TAF1B: variants seen among roughly 807,000 people sequenced by gnomAD.
TAF1B encodes TATA-box binding protein associated factor, RNA polymerase I subunit B, also known as TATA box-binding protein-associated factor RNA polymerase I subunit B.
A neutral mutation model predicts 83.9 loss-of-function variants in TAF1B; 61 were observed. The observed-to-expected ratio is 0.73, with a 90% CI of 0.59 to 0.90. TAF1B has a LOEUF of 0.90. Among genes scored for constraint, TAF1B ranks in the 40% least tolerant of loss-of-function variants. The probability of loss-of-function intolerance (pLI) is 0.00; values close to 1 mark genes in which losing one functional copy is unlikely to be tolerated. For synonymous variants in TAF1B, 221 were observed against 224.6 expected (o/e 0.98, Z 0.14); for missense variants, 625 against 677.0 (o/e 0.92, Z 0.85).
Position 9,918,997 on chromosome 2 carries a change from G to A in TAF1B, c.1272-44G>A, listed in dbSNP as rs771978790. 42 of 1,512,890 alleles carry A rather than the reference G, an allele frequency of 2.8e-5. 1 individual carries two copies. The highest frequency in any genetic ancestry group is 2.3e-4 in the South Asian group (20 of 87,946). The allele number at this position is 1,512,890 out of a possible 1,614,324, so 93.7% of individuals were successfully genotyped here. A position where few individuals can be genotyped will look rare whatever the true frequency, so the allele number is the denominator to read the frequency against. On this transcript the variant is annotated intron_variant, in intron 12 of 14. Transcript: ENST00000263663. The stretch of plus-strand genomic sequence containing the variant: ...TGCTTCAGACAATGTGTTTATGTCC[G>A]TTTCATCTCCGTCCTGCTCCAGCTG...
chr2:9,843,533 G>T lies in TAF1B; in HGVS notation c.-9G>T. 1 of 1,523,540 alleles carries T rather than the reference G, an allele frequency of 6.6e-7. No individual in the cohort carries two copies. The highest frequency in any genetic ancestry group is 2.7e-5 in the East Asian group (1 of 37,134). 94.4% of individuals were successfully genotyped at this position (1,523,540 alleles called of 1,614,324 possible). A position where few individuals can be genotyped will look rare whatever the true frequency, so the allele number is the denominator to read the frequency against. The stretch of plus-strand genomic sequence containing the variant: ...GGGTCCCGGCTGTGGAAGCTCCCGC[G>T]GCGCCGCGATGGACCTCGAGGAGGC... On this transcript the variant is annotated 5_prime_UTR_variant, in exon 1 of 15. Transcript: ENST00000263663.
At chr2:9,916,703 ACT>A (rs1476513041) in intron 12 of TAF1B, among the ~76,000 whole-genome samples, 1 of 151,972 alleles carries the variant, frequency 6.6e-6, no homozygotes, top group African/African-American at 2.4e-5. Context: ...TAAATGACAA[ACT>A]CTCTGATATA....
rs1322606094 is a variant in TAF1B at position 9,911,512 on chromosome 2, TC to T, written c.1136del (p.Ser379PhefsTer29). Reference sequence around the variant, plus strand: ...TGATTTGTTTATTGTTATCTCCAGGTCTTTGTCTAATCTTGCTGAAAAGCAT... The same window carrying T: ...TGATTTGTTTATTGTTATCTCCAGGTTTTGTCTAATCTTGCTGAAAAGCAT... Reference protein sequence around the residue: ...LFLLDDSFEWSLSNLAEKHNE... With the variant: ...LFLLDDSFEWXLSNLAEKHNE... On this transcript the variant is annotated frameshift_variant and splice_region_variant, in exon 11 of 15. Coordinates refer to ENST00000263663, the MANE Select transcript of TAF1B (RefSeq NM_005680.3). LOFTEE classifies it high-confidence loss of function. The T allele has an allele frequency of 2.6e-6, 4 of 1,514,680 alleles. No homozygotes were observed. The highest frequency in any genetic ancestry group is 2.7e-6 in the Non-Finnish European group (3 of 1,125,130). The allele number at this position is 1,514,680 out of a possible 1,614,324, so 93.8% of individuals were successfully genotyped here. A position where few individuals can be genotyped will look rare whatever the true frequency, so the allele number is the denominator to read the frequency against.
chr2:9,905,929 A>C (rs1444256257), intron 9 of TAF1B, among the ~76,000 whole-genome samples: 1 of 152,208 alleles, frequency 6.6e-6, no homozygotes, highest in Non-Finnish European at 1.5e-5. Flanking sequence ...AAAGCTAAGG[A>C]ATATGGCTCT....
At chr2:9,863,239 G>A (rs540371452) in intron 5 of TAF1B, among the ~76,000 whole-genome samples, 6 of 152,302 alleles carry the variant, frequency 3.9e-5, no homozygotes, top group African/African-American at 1.4e-4. Flanking sequence ...TCAAAGTAAA[G>A]GGATGGAGGA....
chr2:9,933,816 A>G lies in TAF1B; in HGVS notation c.1599A>G (p.Ser533=). The G allele has an allele frequency of 6.2e-7, 1 of 1,613,628 alleles. No individual in the cohort carries two copies. The highest frequency in any genetic ancestry group is 8.5e-7 in the Non-Finnish European group (1 of 1,179,794). The change falls in exon 15 of 15, where the codon TCA becomes TCG. Residue 533 remains serine, a synonymous_variant. Transcript: ENST00000263663. ...CACATGTGACAACCTATGAAGAATC[A>G]AATTATTCTCTGAGTTATCAGTTTA... is the stretch of plus-strand genomic sequence containing the variant. The part of the protein sequence containing the change: ...YCTHVTTYEE[S]NYSLSYQFIL...
intron 8 of TAF1B, among the ~76,000 whole-genome samples, 162 bp from the exon 9 acceptor site, chr2:9,904,697 C>T (rs1252620455): frequency 6.6e-6 from 1 of 152,234 alleles, no homozygotes. Flanking sequence ...AACTAATTTA[C>T]GTTCCTGCCA....
intron 6 of TAF1B, among the ~76,000 whole-genome samples, chr2:9,869,452 T>G (rs1418358813): frequency 3.3e-5 from 5 of 151,058 alleles, no homozygotes; most frequent in African/African-American, 1.2e-4. Context: ...CTCAAACTCC[T>G]GACCTTGTGA....
At chr2:9,903,022 G>C (rs1204288737) in intron 8 of TAF1B, among the ~76,000 whole-genome samples, 1 of 152,158 alleles carries the variant, frequency 6.6e-6, no homozygotes, top group Non-Finnish European at 1.5e-5. Flanking sequence ...TCTTATTCAT[G>C]TTTTTATTTC....
At chr2:9,843,595 C>T (rs748673485) in intron 1 of TAF1B, 36 bp downstream of exon 1, 84 of 1,481,604 alleles carry the variant, frequency 5.7e-5, no homozygotes, top group Admixed American at 4.5e-4. Flanking sequence ...CCACGATCGC[C>T]GGGGCCGGAG....
intron 10 of TAF1B, 144 bp from the exon 11 acceptor site, chr2:9,911,367 C>T (rs905965819): frequency 1.7e-6 from 1 of 598,432 alleles, no homozygotes; most frequent in Non-Finnish European, 2.8e-6. Flanking sequence ...AGTGTCTCCT[C>T]CTCTGTTTCA....
intron 6 of TAF1B, chr2:9,868,700 T>C: frequency 1.7e-6 from 1 of 583,098 alleles, no homozygotes; most frequent in Non-Finnish European, 3.3e-6. Context: ...AGAAGGAGGC[T>C]GCTTCAGAAA....
Sources: allele counts gnomAD v4.1 joint callset (sites outside exome capture counted in the v4.1 genomes callset), GRCh38; gene constraint gnomAD v4.1.1; transcripts MANE v1.5; gene names NCBI Gene and HGNC (gene_info 2026-07-23, HGNC 2026-07-21).